The following MYO15B variants were observed in gnomAD, a reference collection of about 807,000 sequenced individuals.
The protein encoded by MYO15B is myosin XVB.
Under a neutral mutation model 119.3 loss-of-function variants are expected in MYO15B, and 207 were observed. The observed-to-expected ratio is 1.73, with a 90% CI of 1.55 to 1.95. The LOEUF (loss-of-function observed/expected upper bound fraction) is 1.95. Ranked by LOEUF, MYO15B falls within the 30% of genes most tolerant of loss-of-function variation. The pLI is 0.00. For missense variants in MYO15B, 2,264 were observed against 1,203.1 expected (o/e 1.88, Z -13.04); for synonymous variants, 966 against 498.9 (o/e 1.94, Z -12.48).
exon 36 of MYO15B, chr17:75,615,722 C>A (rs2058330758): frequency 1.4e-6 from 1 of 696,514 alleles, no homozygotes; most frequent in Non-Finnish European, 2.6e-6. Flanking sequence ...AGGCCATGTC[C>A]CTGTCCCTGG....
intron 25 of MYO15B, 65 bp from the exon 26 acceptor site, chr17:75,612,732 CG>C: frequency 1.4e-6 from 1 of 697,950 alleles, no homozygotes. Context: ...GTGCCTGCTC[CG>C]GTGGGGCTCC....
chr17:75,626,831 T>C, exon 64 of MYO15B: 1 of 431,320 alleles, frequency 2.3e-6, no homozygotes, highest in Non-Finnish European at 4.3e-6. Flanking sequence ...GCTGAGGAAA[T>C]AAAACTCCCT....
At chr17:75,617,331 G>A (rs1190302682) in intron 41 of MYO15B, 27 bp downstream of exon 41, 22 of 604,488 alleles carry the variant, frequency 3.6e-5, no homozygotes, top group Middle Eastern at 2.6e-4. Context: ...CTCCTGCGCC[G>A]TGGGCTTCAC....
At chr17:75,605,679 T>G in intron 20 of MYO15B, 58 bp downstream of exon 20, 1 of 691,454 alleles carries the variant, frequency 1.4e-6, no homozygotes, top group South Asian at 1.5e-5. Context: ...GAGAGGTGCA[T>G]TCTGGGCCCA....
In MYO15B at chr17:75,625,725, G is replaced by A; in HGVS notation, c.8938+65G>A. 4.3e-6 allele frequency: 3 copies of A among 701,156 alleles called. No homozygotes were observed. In the South Asian group the frequency reaches 4.4e-5, roughly 10 times the overall value. 43.4% of individuals were successfully genotyped at this position (701,156 alleles called of 1,614,324 possible). A position where few individuals can be genotyped will look rare whatever the true frequency, so the allele number is the denominator to read the frequency against. On this transcript the variant is annotated intron_variant, in intron 61 of 63. Transcript: ENST00000645453. Reference sequence around the variant, plus strand: ...GGCCAAGAGGGAAGGAATGCAGGTAGAGGGGCGAGGAGGGGTCTGCGCCTG... The same window carrying A: ...GGCCAAGAGGGAAGGAATGCAGGTAAAGGGGCGAGGAGGGGTCTGCGCCTG...
chr17:75,621,338 C>T lies in MYO15B; in HGVS notation c.7872-7C>T, dbSNP rs770981597. 1 of 697,312 alleles carries T rather than the reference C, an allele frequency of 1.4e-6. No homozygotes were observed. The highest frequency in any genetic ancestry group is 2.6e-6 in the Non-Finnish European group (1 of 380,854). The allele number at this position is 697,312 out of a possible 1,614,324, so 43.2% of individuals were successfully genotyped here. On this transcript the variant is annotated splice_region_variant and splice_polypyrimidine_tract_variant and intron_variant, in intron 50 of 63. Coordinates refer to ENST00000645453, the Ensembl canonical transcript of MYO15B. ...CAAGCTGGGCTGTCTCCCTCTGCCC[C>T]CCACAGGCTGGGCCAGACTGATGGA...
exon 19 of MYO15B, chr17:75,603,305 C>T (rs1598783211): frequency 2.8e-6 from 2 of 702,944 alleles, no homozygotes. Context: ...TGAGGCCTTC[C>T]TGGCCAGGTG....
intron 15 of MYO15B, 122 bp from the exon 16 acceptor site, chr17:75,602,395 G>GTTT (rs2057340686): frequency 1.4e-6 from 1 of 701,058 alleles, no homozygotes; most frequent in Non-Finnish European, 2.6e-6. Context: ...AAACACCAAG[G>GTTT]CAGCCTTTCA....
chr17:75,596,922 C>G (rs1598737023), intron 14 of MYO15B, 23 bp downstream of exon 14: 1 of 679,414 alleles, frequency 1.5e-6, no homozygotes, highest in Non-Finnish European at 2.7e-6. Context: ...ATGGTGACCC[C>G]CCACCCAGTG....
chr17:75,601,602 G>C, intron 15 of MYO15B, 39 bp downstream of exon 15: 1 of 695,280 alleles, frequency 1.4e-6, no homozygotes, highest in South Asian at 1.5e-5. Flanking sequence ...GAATCAGCGA[G>C]GGCAGTGTCC....
exon 20 of MYO15B, chr17:75,605,521 C>T (rs1337118362): frequency 1.4e-6 from 1 of 701,816 alleles, no homozygotes; most frequent in African/African-American, 1.8e-5. Flanking sequence ...GCCCTGGGGT[C>T]AGAAGGGCAG....
chr17:75,617,824 G>T, exon 42 of MYO15B: 1 of 702,584 alleles, frequency 1.4e-6, no homozygotes, highest in Non-Finnish European at 2.6e-6. Context: ...GACACAGCCC[G>T]TGGAGGACCA....
At chr17:75,587,890 T>C (rs1410868201) in exon 1 of MYO15B, among the ~76,000 whole-genome samples, 1 of 152,274 alleles carries the variant, frequency 6.6e-6, no homozygotes, top group Non-Finnish European at 1.5e-5. Context: ...CGCCGCCTTC[T>C]GCATTATTGA....
intron 58 of MYO15B, 25 bp downstream of exon 58, chr17:75,624,664 G>C (rs1002847181): frequency 4.3e-6 from 3 of 703,008 alleles, no homozygotes; most frequent in Non-Finnish European, 7.8e-6. Flanking sequence ...GGAGCCTCAC[G>C]GTGGGGCCAC....
intron 14 of MYO15B, chr17:75,600,748 G>C (rs2057224058): frequency 6.6e-6 from 1 of 151,416 alleles, no homozygotes; most frequent in Non-Finnish European, 1.5e-5. Flanking sequence ...ACCATGCCCA[G>C]CTAATTTTTT....
chr17:75,602,829 G>A lies in MYO15B; in HGVS notation c.3730-1G>A, dbSNP rs904137365. ...GCTGACTCAGCCCTTCACCCCCACA[G>A]CTGGTGGGCAGCCTGTTCCAGGAGG... On this transcript the variant is annotated splice_acceptor_variant, in intron 16 of 63. Coordinates refer to ENST00000645453, the Ensembl canonical transcript of MYO15B. LOFTEE classifies it high-confidence loss of function. The A allele has an allele frequency of 1.6e-6, 1 of 623,870 alleles. No homozygotes were observed. Among genetic ancestry groups the A allele is most frequent in the Non-Finnish European group, 2.9e-6 (1 of 348,470 alleles). 38.6% of individuals were successfully genotyped at this position (623,870 alleles called of 1,614,324 possible).
chr17:75,625,309 T>C, intron 60 of MYO15B, 71 bp downstream of exon 60: 1 of 646,924 alleles, frequency 1.5e-6, no homozygotes, highest in Non-Finnish European at 2.8e-6. Context: ...ACTGGTACCC[T>C]TCCTGGCCCT....
intron 21 of MYO15B, among the ~76,000 whole-genome samples, chr17:75,606,405 C>A (rs145359894): frequency 3.3e-5 from 5 of 151,910 alleles, no homozygotes; most frequent in Non-Finnish European, 7.4e-5. Context: ...ACCTCTGCCC[C>A]CTGGGTTCAA....
At position 75,615,218 on chromosome 17, in the gene MYO15B, CAGGG is replaced by C. The variant is rs2148019793; in HGVS notation, c.5642-17_5642-14del. 4.3e-6 allele frequency: 3 copies of C among 697,224 alleles called. No individual in the cohort carries two copies. Among genetic ancestry groups the C allele is most frequent in the East Asian group, 5.4e-5 (2 of 37,086 alleles). 43.2% of individuals were successfully genotyped at this position (697,224 alleles called of 1,614,324 possible). On this transcript the variant is annotated intron_variant, in intron 33 of 63. Transcript: ENST00000645453. ...GCATGTGGGCCCAGGCAGGGACTGACAGGGAGGGCGTGTTCCCTCAGTGTACCCA... is the reference window on the plus strand; with the variant it reads ...GCATGTGGGCCCAGGCAGGGACTGACAGGGCGTGTTCCCTCAGTGTACCCA...
Sources: allele counts gnomAD v4.1 joint callset (sites outside exome capture counted in the v4.1 genomes callset), GRCh38; gene constraint gnomAD v4.1.1; transcripts MANE v1.5; gene names NCBI Gene and HGNC (gene_info 2026-07-23, HGNC 2026-07-21).